The following ANKAR variants were observed in gnomAD, a reference collection of about 807,000 sequenced individuals.
ANKAR encodes the protein ankyrin and armadillo repeat-containing protein.
In ANKAR, 136 loss-of-function variants were observed where a neutral mutation model predicts 146.2. The observed-to-expected ratio is 0.93, with a 90% CI of 0.81 to 1.07. The LOEUF (loss-of-function observed/expected upper bound fraction) is 1.07, where lower values mean the gene tolerates loss of function less well. ANKAR is among the 50% of genes least tolerant of loss of function. The probability of loss-of-function intolerance (pLI) is 0.00; values close to 1 mark genes in which losing one functional copy is unlikely to be tolerated. For synonymous variants in ANKAR, 500 were observed against 575.8 expected, an observed-to-expected ratio of 0.87 and a Z score of 1.88; for missense variants, 1,567 against 1,679.9, an observed-to-expected ratio of 0.93 and a Z score of 1.18.
downstream of ANKAR, chr2:189,762,974 C>T: frequency 1.0e-6 from 1 of 985,290 alleles, no homozygotes; most frequent in South Asian, 4.7e-5. Flanking sequence ...GTGACTGATC[C>T]AGCGGAGGCC....
rs1426824227 is a variant in ANKAR, at chr2:189,712,866, A to G, written c.2224+1713A>G. On this transcript the variant is annotated intron_variant, in intron 10 of 22. Transcript: ENST00000684021. ...ATTCGAACCCATCACAAGGAAGCTA[A>G]AACCCTTGAAAAAAGATTAAATGAA... is the stretch of plus-strand genomic sequence containing the variant. Among the ~76,000 whole-genome samples the G allele has an allele frequency of 3.3e-5, 5 of 152,308 alleles. No homozygotes were observed. In the East Asian group the frequency reaches 9.7e-4, roughly 29 times the overall value.
chr2:189,720,709 G>C lies in ANKAR; in HGVS notation c.2557G>C (p.Gly853Arg). ...VMNCIRVLCI[G>R]NENNQRAVRE... ...GAACTGTATACGGGTATTGTGTATA[G>C]GAAATGAAAACAATCAAAGAGCTGT... The change falls in exon 12 of 23, where the codon GGA becomes CGA. Residue 853 changes from glycine (G) to arginine (R), a missense_variant. By Grantham distance (125) the Gly-to-Arg change is moderately radical. Transcript: ENST00000684021. The C allele has an allele frequency of 6.6e-7, 1 of 1,514,630 alleles. No individual in the cohort carries two copies. Among genetic ancestry groups the C allele is most frequent in the Non-Finnish European group, 8.8e-7 (1 of 1,134,862 alleles). The allele number at this position is 1,514,630 out of a possible 1,614,324, so 93.8% of individuals were successfully genotyped here. A position where few individuals can be genotyped will look rare whatever the true frequency, so the allele number is the denominator to read the frequency against.
At chr2:189,744,528 A>T (rs1192464367) in intron 21 of ANKAR, among the ~76,000 whole-genome samples, 2 of 152,200 alleles carry the variant, frequency 1.3e-5, no homozygotes, top group Admixed American at 1.3e-4. Flanking sequence ...AGCAGATTTA[A>T]TGTTCCAAAT....
Position 189,677,187 on chromosome 2 carries a change from G to A in ANKAR, c.601+96G>A, listed in dbSNP as rs538971893. The stretch of plus-strand genomic sequence containing the variant: ...GGTGGTCACGAACCCCTGAGCTCAA[G>A]CCATTCACCCACCTAGGCCTCCCAA... On this transcript the variant is annotated intron_variant, in intron 2 of 22. Coordinates refer to ENST00000684021, the MANE Select transcript of ANKAR (RefSeq NM_001378068.1). 8 of 1,274,914 alleles carry A rather than the reference G, an allele frequency of 6.3e-6. No individual in the cohort carries two copies. The South Asian group carries it at 6.9e-5, about 11-fold the overall frequency. The allele number at this position is 1,274,914 out of a possible 1,614,324, so 79.0% of individuals were successfully genotyped here.
intron 18 of ANKAR, among the ~76,000 whole-genome samples, chr2:189,759,171 G>A (rs544103553): frequency 2.4e-4 from 36 of 152,004 alleles, no homozygotes; most frequent in African/African-American, 8.7e-4. Flanking sequence ...CATAGTTATT[G>A]TTTGAGGCTC....
chr2:189,752,415 C>T (rs573974157), intron 18 of ANKAR, among the ~76,000 whole-genome samples: 1 of 152,292 alleles, frequency 6.6e-6, no homozygotes, highest in East Asian at 1.9e-4. Context: ...GAATTCATCA[C>T]CCTTACTCAT....
intron 7 of ANKAR, among the ~76,000 whole-genome samples, chr2:189,696,634 T>C (rs1273906376): frequency 1.3e-5 from 2 of 152,200 alleles, no homozygotes; most frequent in African/African-American, 2.4e-5. Flanking sequence ...CCTACTTTAT[T>C]TGCCGTGGTA....
intron 2 of ANKAR, among the ~76,000 whole-genome samples, chr2:189,685,384 G>T (rs1389498415): frequency 1.3e-5 from 2 of 151,558 alleles, no homozygotes; most frequent in African/African-American, 4.9e-5. Flanking sequence ...GGGAAATATT[G>T]AATTCTTCTT....
At chr2:189,702,174 C>T (rs991059502) in intron 7 of ANKAR, among the ~76,000 whole-genome samples, 2 of 152,098 alleles carry the variant, frequency 1.3e-5, no homozygotes, top group African/African-American at 4.8e-5. Flanking sequence ...ATAGGTTAGG[C>T]TCTGGTAAAG....
chr2:189,709,049 C>G (rs115879278), intron 9 of ANKAR, among the ~76,000 whole-genome samples: 1 of 151,896 alleles, frequency 6.6e-6, no homozygotes, highest in Non-Finnish European at 1.5e-5. Flanking sequence ...TGCAGTGAAC[C>G]GAGATCGTGC....
intron 7 of ANKAR, 144 bp downstream of exon 7, chr2:189,696,513 G>T: frequency 1.4e-6 from 1 of 732,258 alleles, no homozygotes; most frequent in Non-Finnish European, 2.1e-6. Context: ...ATCTAAGAAA[G>T]GCTTCTTTTA....
chr2:189,753,819 T>C, intron 18 of ANKAR: 1 of 1,300,260 alleles, frequency 7.7e-7, no homozygotes, highest in Non-Finnish European at 1.1e-6. Context: ...GCATAAGGCA[T>C]AAAGATCTGT....
intron 18 of ANKAR, among the ~76,000 whole-genome samples, chr2:189,756,934 A>G (rs1271782177): frequency 6.6e-6 from 1 of 152,168 alleles, no homozygotes; most frequent in Non-Finnish European, 1.5e-5. Context: ...CTCTCCCTGC[A>G]ACTCATTTCT....
chr2:189,695,005 A>G lies in ANKAR; in HGVS notation c.1332A>G (p.Leu444=), dbSNP rs138942918. The G allele has an allele frequency of 5.2e-5, 81 of 1,550,958 alleles. No homozygotes were observed. The highest frequency in any genetic ancestry group is 1.8e-4 in the Middle Eastern group (1 of 5,682). Residue 444 remains leucine (L), a synonymous_variant, in exon 6 of 23, where the codon CTA becomes CTG. Transcript: ENST00000684021. The part of the protein sequence containing the change: ...GKSYYVIYFE[L]ETFYQQLYKT... Reference sequence around the variant, plus strand: ...GCTACTATGTGATCTATTTTGAACTAGAAACTTTCTATCAGCAACTATATA... The same window carrying G: ...GCTACTATGTGATCTATTTTGAACTGGAAACTTTCTATCAGCAACTATATA...
chr2:189,701,743 T>C (rs1159589848), intron 7 of ANKAR, among the ~76,000 whole-genome samples: 2 of 152,222 alleles, frequency 1.3e-5, no homozygotes, highest in Non-Finnish European at 2.9e-5. Context: ...TTAGAACCCT[T>C]AGCATATTAA....
chr2:189,699,122 A>G (rs905264098), intron 7 of ANKAR, among the ~76,000 whole-genome samples: 6 of 152,204 alleles, frequency 3.9e-5, no homozygotes, highest in Admixed American at 3.9e-4. Flanking sequence ...ATAGGTGCTC[A>G]GGAAATTTTT....
chr2:189,751,505 C>T (rs971097563), downstream of ANKAR, among the ~76,000 whole-genome samples: 2 of 139,028 alleles, frequency 1.4e-5, no homozygotes, highest in South Asian at 2.3e-4. Context: ...AGTGCAGTGG[C>T]GTGATCTCGG....
chr2:189,752,549 A>G (rs1316659970), intron 18 of ANKAR: 2 of 1,060,036 alleles, frequency 1.9e-6, no homozygotes, highest in Non-Finnish European at 2.8e-6. Flanking sequence ...ACTTTCCTTC[A>G]AGTACCACCA....
rs773614014 is a variant in ANKAR at position 189,676,704 on chromosome 2, A to G, written c.214A>G (p.Met72Val). ...RSQVDLPCGI[M>V]SQMNNVGFST... ...TCAAGTAGACCTCCCATGTGGAATT[A>G]TGAGTCAAATGAATAACGTAGGCTT... is the stretch of plus-strand genomic sequence containing the variant. The change falls in exon 2 of 23, where the codon ATG becomes GTG. Residue 72 changes from methionine (M) to valine (V), a missense_variant. Coordinates refer to ENST00000684021, the MANE Select transcript of ANKAR (RefSeq NM_001378068.1). 9 of 1,614,218 alleles carry G rather than the reference A, an allele frequency of 5.6e-6. No homozygotes were observed. The East Asian group carries it at 2.0e-4, about 36-fold the overall frequency.
Sources: allele counts gnomAD v4.1 joint callset (sites outside exome capture counted in the v4.1 genomes callset), GRCh38; gene constraint gnomAD v4.1.1; transcripts MANE v1.5; gene names NCBI Gene and HGNC (gene_info 2026-07-23, HGNC 2026-07-21).